The following EGLN3 variants were observed in gnomAD, a reference collection of about 807,000 sequenced individuals.
EGLN3 encodes the protein egl-9 family hypoxia inducible factor 3.
A neutral mutation model predicts 26.0 loss-of-function variants in EGLN3; 15 were observed. The ratio of observed to expected loss-of-function variants is 0.58; its 90% CI spans 0.39 to 0.89. EGLN3 has a LOEUF of 0.89. EGLN3 is among the 40% of genes least tolerant of loss of function. The probability of loss-of-function intolerance (pLI) is 0.00; values close to 1 mark genes in which losing one functional copy is unlikely to be tolerated. For missense variants in EGLN3, 238 were observed against 311.6 expected, an observed-to-expected ratio of 0.76 and a Z score of 1.78; for synonymous variants, 147 against 127.2, an observed-to-expected ratio of 1.16 and a Z score of -1.05.
chr14:33,931,293 T>A, intron 1 of EGLN3, 78 bp from the exon 2 acceptor site: 1 of 1,594,926 alleles, frequency 6.3e-7, no homozygotes, highest in Non-Finnish European at 8.6e-7. Flanking sequence ...AGCAGATAAG[T>A]AACACAGTCT....
At chr14:33,942,088 C>T (rs1463358117) in intron 1 of EGLN3, among the ~76,000 whole-genome samples, 1 of 152,056 alleles carries the variant, frequency 6.6e-6, no homozygotes, top group Admixed American at 6.5e-5. Flanking sequence ...TTGTTTTAAG[C>T]ACAGAGACTA....
chr14:33,936,849 GC>G (rs1446608531), intron 1 of EGLN3, among the ~76,000 whole-genome samples: 1 of 150,274 alleles, frequency 6.7e-6, no homozygotes, highest in African/African-American at 2.5e-5. Flanking sequence ...GACAAATTAA[GC>G]CAAAATGTCC....
At chr14:33,934,092 G>A (rs1437188073) in intron 1 of EGLN3, among the ~76,000 whole-genome samples, 8 of 152,130 alleles carry the variant, frequency 5.3e-5, no homozygotes, top group Admixed American at 4.6e-4. Flanking sequence ...TAGTCCTATA[G>A]TTCTATTCTT....
intron 1 of EGLN3, among the ~76,000 whole-genome samples, chr14:33,942,177 C>A (rs372775146): frequency 2.0e-5 from 3 of 151,968 alleles, no homozygotes; most frequent in Non-Finnish European, 2.9e-5. Flanking sequence ...CAAGAACCAA[C>A]GGCAAGTGAT....
At chr14:33,945,404 A>C (rs2064510922) in intron 1 of EGLN3, among the ~76,000 whole-genome samples, 1 of 152,202 alleles carries the variant, frequency 6.6e-6, no homozygotes, top group East Asian at 1.9e-4. Context: ...CCACTGTGCC[A>C]GACTACGGCT....
At chr14:33,929,867 C>T (rs969939501) in intron 2 of EGLN3, among the ~76,000 whole-genome samples, 4 of 152,164 alleles carry the variant, frequency 2.6e-5, no homozygotes, top group Non-Finnish European at 5.9e-5. Context: ...CCATTAACAA[C>T]TTTCTAAGAA....
At chr14:33,939,323 G>A (rs2064465788) in intron 1 of EGLN3, among the ~76,000 whole-genome samples, 1 of 151,812 alleles carries the variant, frequency 6.6e-6, no homozygotes, top group East Asian at 1.9e-4. Flanking sequence ...CCATTCTCCT[G>A]CCTCAGCCTC....
At chr14:33,943,236 C>T (rs892811697) in intron 1 of EGLN3, among the ~76,000 whole-genome samples, 32 of 152,320 alleles carry the variant, frequency 2.1e-4, no homozygotes, top group South Asian at 1.2e-3. Flanking sequence ...GCCCAATCAA[C>T]GGCTCCTGGC....
chr14:33,949,944 A>C, intron 1 of EGLN3: 2 of 261,454 alleles, frequency 7.6e-6, no homozygotes, highest in Non-Finnish European at 1.4e-5. Flanking sequence ...TGCCTCCAGA[A>C]TTCTGAGTGC....
At chr14:33,928,847 C>CA (rs1566596666) in intron 3 of EGLN3, among the ~76,000 whole-genome samples, 1 of 152,162 alleles carries the variant, frequency 6.6e-6, no homozygotes. Context: ...CCAATATGCT[C>CA]ATCTAATAGA....
intron 1 of EGLN3, among the ~76,000 whole-genome samples, chr14:33,947,912 G>C (rs183329273): frequency 2.2e-4 from 34 of 152,078 alleles, no homozygotes; most frequent in Admixed American, 8.5e-4. Flanking sequence ...TAGCTGGGCA[G>C]GGTGGCGTGC....
intron 2 of EGLN3, among the ~76,000 whole-genome samples, chr14:33,929,730 C>T (rs1462663868): frequency 6.6e-6 from 1 of 152,180 alleles, no homozygotes; most frequent in Admixed American, 6.5e-5. Flanking sequence ...CACTCCCACC[C>T]CCCACAGTCA....
intron 1 of EGLN3, among the ~76,000 whole-genome samples, chr14:33,934,038 G>T (rs1594377937): frequency 6.6e-6 from 1 of 152,260 alleles, no homozygotes; most frequent in Admixed American, 6.5e-5. Flanking sequence ...TGAAGTTTAC[G>T]CAAGTTTAAC....
chr14:33,944,259 C>A (rs2064502497), intron 1 of EGLN3, among the ~76,000 whole-genome samples: 1 of 152,088 alleles, frequency 6.6e-6, no homozygotes, highest in Non-Finnish European at 1.5e-5. Flanking sequence ...GTACCTGGGA[C>A]TACAGGCGCA....
In EGLN3 at chr14:33,935,082, T is replaced by C. The variant is rs115975385; in HGVS notation, c.358-3867A>G. On this transcript the variant is annotated intron_variant, in intron 1 of 4. Coordinates refer to ENST00000250457, the MANE Select transcript of EGLN3 (RefSeq NM_022073.4). The stretch of plus-strand genomic sequence containing the variant: ...GCATGGTCTTGAGCAAAGCGTACTT[T>C]GAATAAAATGCAACCTAAGTACGGG... 6.2e-3 allele frequency among the ~76,000 whole-genome samples: 943 copies of C among 152,304 alleles called. 7 individuals are homozygous for C. Among genetic ancestry groups the C allele is most frequent in the African/African-American group, 0.022 (894 of 41,558 alleles).
chr14:33,927,059 A>C, intron 3 of EGLN3, 26 bp from the exon 4 acceptor site: 1 of 1,538,798 alleles, frequency 6.5e-7, no homozygotes, highest in Non-Finnish European at 8.8e-7. Context: ...AGATATAAGG[A>C]AAGAGATTTA....
At chr14:33,931,327 C>T (rs560146626) in intron 1 of EGLN3, 112 bp from the exon 2 acceptor site, 20 of 1,500,082 alleles carry the variant, frequency 1.3e-5, no homozygotes, top group Non-Finnish European at 1.8e-5. Context: ...GTGACATTTA[C>T]AGGTAGTTGC....
At chr14:33,927,119 T>A in intron 3 of EGLN3, 86 bp from the exon 4 acceptor site, 2 of 821,790 alleles carry the variant, frequency 2.4e-6, no homozygotes, top group Non-Finnish European at 3.5e-6. Flanking sequence ...ATTAAAAGTT[T>A]TAAAGTTTTC....
intron 1 of EGLN3, among the ~76,000 whole-genome samples, chr14:33,941,399 T>C (rs1430211076): frequency 6.6e-6 from 1 of 151,622 alleles, no homozygotes; most frequent in Non-Finnish European, 1.5e-5. Context: ...ACCTAGGATT[T>C]CGAAACTGAG....
Sources: allele counts gnomAD v4.1 joint callset (sites outside exome capture counted in the v4.1 genomes callset), GRCh38; gene constraint gnomAD v4.1.1; transcripts MANE v1.5; gene names NCBI Gene and HGNC (gene_info 2026-07-23, HGNC 2026-07-21).